CLIC4: variants seen among roughly 807,000 people sequenced by gnomAD.
CLIC4 encodes the protein CLIC family member 4, also known as chloride intracellular channel protein 4.
Under a neutral mutation model 24.6 loss-of-function variants are expected in CLIC4, and 13 were observed. The ratio of observed to expected loss-of-function variants is 0.53; its 90% CI spans 0.34 to 0.84. The LOEUF (loss-of-function observed/expected upper bound fraction) is 0.84, where lower values mean the gene tolerates loss of function less well. Ranked by LOEUF, CLIC4 falls within the 40% of genes least tolerant of loss-of-function variation. The probability of loss-of-function intolerance (pLI) is 0.01; values close to 1 mark genes in which losing one functional copy is unlikely to be tolerated. For missense variants in CLIC4, 227 were observed against 301.7 expected (o/e 0.75, Z 1.83); for synonymous variants, 104 against 111.3 (o/e 0.93, Z 0.41).
At chr1:24,776,894 A>C (rs1429050685) in intron 1 of CLIC4, among the ~76,000 whole-genome samples, 1 of 152,200 alleles carries the variant, frequency 6.6e-6, no homozygotes, top group African/African-American at 2.4e-5. Context: ...CCTGGGCGAC[A>C]AGAGCAAAAC....
At chr1:24,783,959 A>C (rs1639235602) in intron 1 of CLIC4, among the ~76,000 whole-genome samples, 1 of 151,918 alleles carries the variant, frequency 6.6e-6, no homozygotes. Flanking sequence ...ATCATGAGGA[A>C]TTCAAAGTTT....
At chr1:24,825,512 A>G (rs1639779119) in intron 3 of CLIC4, among the ~76,000 whole-genome samples, 1 of 152,238 alleles carries the variant, frequency 6.6e-6, no homozygotes, top group African/African-American at 2.4e-5. Context: ...ATAGATATCT[A>G]AATTCAGGTG....
chr1:24,745,684 G>C (rs1215067273), intron 1 of CLIC4, 59 bp downstream of exon 1: 2 of 1,441,278 alleles, frequency 1.4e-6, no homozygotes, highest in Non-Finnish European at 1.9e-6. Context: ...CCGGCTGCGG[G>C]GAGCGGCGTC....
intron 2 of CLIC4, among the ~76,000 whole-genome samples, chr1:24,804,742 T>C (rs1370498416): frequency 6.6e-6 from 1 of 152,060 alleles, no homozygotes; most frequent in East Asian, 1.9e-4. Flanking sequence ...AGTGAATGTT[T>C]TTCTAAACCT....
chr1:24,797,803 T>C lies in CLIC4; in HGVS notation c.134T>C (p.Leu45Pro), dbSNP rs1207051760. The C allele has an allele frequency of 1.2e-6, 2 of 1,613,770 alleles. No homozygotes were observed. Among genetic ancestry groups the C allele is most frequent in the Non-Finnish European group, 1.7e-6 (2 of 1,179,872 alleles). The change falls in exon 2 of 6, where the codon CTT becomes CCT. Residue 45 changes from leucine (L) to proline (P), a missense_variant. Coordinates refer to ENST00000374379, the MANE Select transcript of CLIC4 (RefSeq NM_013943.3). The stretch of plus-strand genomic sequence containing the variant: ...TTTTCCCAGAGGCTCTTCATGATTC[T>C]TTGGCTCAAAGGAGTTGTATTTAGT... ...CPFSQRLFMI[L>P]WLKGVVFSVT...
chr1:24,799,019 C>T (rs1639440001), intron 2 of CLIC4, among the ~76,000 whole-genome samples: 4 of 152,252 alleles, frequency 2.6e-5, no homozygotes, highest in African/African-American at 7.2e-5. Flanking sequence ...CAGCCGTCTG[C>T]CTTGGCCTCC....
chr1:24,770,743 G>GT (rs1437278629), intron 1 of CLIC4, among the ~76,000 whole-genome samples: 5 of 149,424 alleles, frequency 3.3e-5, no homozygotes, highest in African/African-American at 9.9e-5. Flanking sequence ...TTTTTTTTTT[G>GT]TTTTTTGAGT....
At chr1:24,768,335 T>C (rs531880133) in intron 1 of CLIC4, among the ~76,000 whole-genome samples, 101 of 152,328 alleles carry the variant, frequency 6.6e-4, no homozygotes, top group Non-Finnish European at 1.2e-3. Context: ...CCTTTACAAC[T>C]GAACAGGTCA....
intron 1 of CLIC4, among the ~76,000 whole-genome samples, chr1:24,760,884 G>A (rs569924554): frequency 1.8e-4 from 28 of 152,150 alleles, no homozygotes; most frequent in Non-Finnish European, 3.1e-4. Flanking sequence ...TCAGTTTAAC[G>A]GGGCATTCCA....
At chr1:24,784,340 A>G (rs1367215290) in intron 1 of CLIC4, among the ~76,000 whole-genome samples, 2 of 152,208 alleles carry the variant, frequency 1.3e-5, no homozygotes, top group African/African-American at 4.8e-5. Context: ...AAACAGGCCC[A>G]GTTTTTCAGT....
chr1:24,820,705 T>C (rs1242600133), intron 3 of CLIC4, among the ~76,000 whole-genome samples: 3 of 98,174 alleles, frequency 3.1e-5, no homozygotes, highest in African/African-American at 8.8e-5. Context: ...AGAAGTAGTT[T>C]GAATTATTAT....
In CLIC4 at chr1:24,843,289, C is replaced by G. The variant is rs1639961354; in HGVS notation, c.*2352C>G. On this transcript the variant is annotated 3_prime_UTR_variant, in exon 6 of 6. Coordinates refer to ENST00000374379, the MANE Select transcript of CLIC4 (RefSeq NM_013943.3). ...GACGACCCAGCAACATGCTTTAACC[C>G]CATTGTATGTTTGTGGAAAGAGCAT... The G allele has an allele frequency of 6.6e-6, 1 of 152,148 alleles. No homozygotes were observed. The highest frequency in any genetic ancestry group is 2.1e-4 in the South Asian group (1 of 4,826). 9.4% of individuals were successfully genotyped at this position (152,148 alleles called of 1,614,324 possible).
At chr1:24,835,545 A>G (rs1639878438) in intron 4 of CLIC4, among the ~76,000 whole-genome samples, 1 of 152,254 alleles carries the variant, frequency 6.6e-6, no homozygotes. Flanking sequence ...CCTGGGCGAC[A>G]GAGTGTGAGA....
chr1:24,757,327 G>T (rs1638864953), intron 1 of CLIC4, among the ~76,000 whole-genome samples: 1 of 152,090 alleles, frequency 6.6e-6, no homozygotes, highest in Admixed American at 6.5e-5. Flanking sequence ...CACTGCACGT[G>T]GTCTTAAGAA....
At chr1:24,811,198 G>C (rs1193381933) in intron 2 of CLIC4, among the ~76,000 whole-genome samples, 2 of 152,072 alleles carry the variant, frequency 1.3e-5, no homozygotes, top group African/African-American at 4.8e-5. Context: ...ACAAAAAATA[G>C]TGAGAAGAGT....
chr1:24,824,390 C>T (rs1358985083), intron 3 of CLIC4, among the ~76,000 whole-genome samples: 2 of 152,154 alleles, frequency 1.3e-5, no homozygotes, highest in Admixed American at 6.5e-5. Context: ...GCCTCAGACT[C>T]CTGAGAAGCT....
chr1:24,791,876 CA>C (rs986691644), intron 1 of CLIC4, among the ~76,000 whole-genome samples: 1 of 148,386 alleles, frequency 6.7e-6, no homozygotes, highest in African/African-American at 2.5e-5. Flanking sequence ...AACTCCATCT[CA>C]AAAAAATAAA....
intron 4 of CLIC4, among the ~76,000 whole-genome samples, chr1:24,836,764 GGAGTTCGAGGTTGCAGT>G (rs1171144120): frequency 6.6e-6 from 1 of 152,202 alleles, no homozygotes; most frequent in African/African-American, 2.4e-5. Context: ...CATGAGCCCA[GGAGTTCGAGGTTGCAGT>G]GAGCCGAGAT....
At chr1:24,779,028 T>G (rs185979197) in intron 1 of CLIC4, among the ~76,000 whole-genome samples, 2 of 152,352 alleles carry the variant, frequency 1.3e-5, no homozygotes, top group Admixed American at 1.3e-4. Flanking sequence ...CTATTATATT[T>G]AAGCAGTTTA....
Sources: allele counts gnomAD v4.1 joint callset (sites outside exome capture counted in the v4.1 genomes callset), GRCh38; gene constraint gnomAD v4.1.1; transcripts MANE v1.5; gene names NCBI Gene and HGNC (gene_info 2026-07-23, HGNC 2026-07-21).